The following RNF152 variants were observed in gnomAD, a reference collection of about 807,000 sequenced individuals.
RNF152 encodes the protein E3 ubiquitin-protein ligase RNF152.
A neutral mutation model predicts 12.7 loss-of-function variants in RNF152; 11 were observed. The ratio of observed to expected loss-of-function variants is 0.86; its 90% CI spans 0.54 to 1.43. RNF152 has a LOEUF of 1.43. Ranked by LOEUF, RNF152 falls within the 40% of genes most tolerant of loss-of-function variation. The pLI is 0.00. For synonymous variants in RNF152, 113 were observed against 120.3 expected (o/e 0.94, Z 0.40); for missense variants, 255 against 274.8 (o/e 0.93, Z 0.51).
At chr18:61,840,450 G>A (rs1403766266) in intron 1 of RNF152, among the ~76,000 whole-genome samples, 2 of 152,192 alleles carry the variant, frequency 1.3e-5, no homozygotes, top group Non-Finnish European at 2.9e-5. Flanking sequence ...GAGGATGGGG[G>A]TGGGGTGGGT....
intron 1 of RNF152, among the ~76,000 whole-genome samples, chr18:61,829,525 GGAGA>G (rs140442119): frequency 1.3e-5 from 2 of 148,440 alleles, no homozygotes; most frequent in Non-Finnish European, 3.0e-5. Flanking sequence ...ATCAGGGGAG[GGAGA>G]GAGAGAGAGA....
chr18:61,817,215 CA>C (rs1018185444), intron 1 of RNF152, among the ~76,000 whole-genome samples: 2 of 152,110 alleles, frequency 1.3e-5, no homozygotes, highest in Non-Finnish European at 2.9e-5. Context: ...TTGAAGAGAA[CA>C]AAACAAAAAA....
At chr18:61,836,563 G>T (rs1910195687) in intron 1 of RNF152, among the ~76,000 whole-genome samples, 1 of 152,136 alleles carries the variant, frequency 6.6e-6, no homozygotes, top group African/African-American at 2.4e-5. Flanking sequence ...CAGAAAGAAG[G>T]TTCCCACCCG....
chr18:61,894,365 C>T (rs866841668), upstream of RNF152: 17 of 151,538 alleles, frequency 1.1e-4, no homozygotes, highest in African/African-American at 3.9e-4. The surrounding 1 kb of genome is among the most constrained non-coding windows in gnomAD (Gnocchi z 4.9). Flanking sequence ...GGCGGCACCC[C>T]CACCTGCCCG....
intron 1 of RNF152, among the ~76,000 whole-genome samples, chr18:61,837,278 T>A (rs1910231061): frequency 6.6e-6 from 1 of 152,194 alleles, no homozygotes; most frequent in Non-Finnish European, 1.5e-5. Flanking sequence ...AAACCAAATT[T>A]AATTCATGAA....
At chr18:61,877,240 T>C (rs528194324) in intron 1 of RNF152, among the ~76,000 whole-genome samples, 1 of 152,330 alleles carries the variant, frequency 6.6e-6, no homozygotes, top group South Asian at 2.1e-4. Context: ...CAATGACAAA[T>C]ACAATTGATT....
intron 1 of RNF152, among the ~76,000 whole-genome samples, chr18:61,857,679 G>A (rs549619616): frequency 6.6e-6 from 1 of 151,696 alleles, no homozygotes; most frequent in South Asian, 2.1e-4. Context: ...TATCCTCCAG[G>A]GACTCACCAG....
chr18:61,834,684 TA>T (rs911609158), intron 1 of RNF152, among the ~76,000 whole-genome samples: 1 of 132,508 alleles, frequency 7.5e-6, no homozygotes, highest in Non-Finnish European at 1.7e-5. Context: ...AGGCCATTTT[TA>T]AAAAAAATTA....
In RNF152 at chr18:61,815,748, G is replaced by T; in HGVS notation, c.*104C>A. ...GAGGCAACCCAGAGGCCAGCGCTCAGCACCAAATGGTCAGTGTTGCCCCCC... is the reference window on the plus strand; with the variant it reads ...GAGGCAACCCAGAGGCCAGCGCTCATCACCAAATGGTCAGTGTTGCCCCCC... On this transcript the variant is annotated 3_prime_UTR_variant, in exon 2 of 2. Coordinates refer to ENST00000312828, the MANE Select transcript of RNF152 (RefSeq NM_173557.3). The T allele has an allele frequency of 7.5e-7, 1 of 1,341,550 alleles. No homozygotes were observed. Among genetic ancestry groups the T allele is most frequent in the Non-Finnish European group, 1.0e-6 (1 of 959,794 alleles). The allele number at this position is 1,341,550 out of a possible 1,614,324, so 83.1% of individuals were successfully genotyped here. A position where few individuals can be genotyped will look rare whatever the true frequency, so the allele number is the denominator to read the frequency against.
intron 1 of RNF152, among the ~76,000 whole-genome samples, chr18:61,838,150 T>C (rs1910275044): frequency 6.6e-6 from 1 of 152,220 alleles, no homozygotes; most frequent in Admixed American, 6.5e-5. Context: ...TAATTACTTT[T>C]TCACTCACCA....
intron 1 of RNF152, among the ~76,000 whole-genome samples, chr18:61,889,368 A>C (rs140149785): frequency 1.8e-4 from 27 of 152,358 alleles, no homozygotes; most frequent in African/African-American, 6.3e-4. Context: ...GGTATTTATC[A>C]AATCTTTAAA....
At chr18:61,834,668 G>C (rs1367604662) in intron 1 of RNF152, among the ~76,000 whole-genome samples, 2 of 132,982 alleles carry the variant, frequency 1.5e-5, no homozygotes, top group Non-Finnish European at 3.4e-5. Flanking sequence ...AAAACTAACT[G>C]AAATTAGGCC....
chr18:61,879,338 G>A (rs767109657), intron 1 of RNF152, among the ~76,000 whole-genome samples: 1 of 152,028 alleles, frequency 6.6e-6, no homozygotes, highest in Non-Finnish European at 1.5e-5. Context: ...ATCTAGTGAC[G>A]ATTTAAAGTA....
intron 1 of RNF152, among the ~76,000 whole-genome samples, chr18:61,880,108 C>T (rs1229325292): frequency 3.9e-5 from 6 of 152,152 alleles, no homozygotes; most frequent in African/African-American, 1.4e-4. Context: ...AAACAATTCA[C>T]ACCACCTGAC....
At chr18:61,830,446 G>T (rs1484574253) in intron 1 of RNF152, among the ~76,000 whole-genome samples, 1 of 152,134 alleles carries the variant, frequency 6.6e-6, no homozygotes, top group Non-Finnish European at 1.5e-5. Flanking sequence ...GAATTTGCCT[G>T]TTCCAGGTAC....
At chr18:61,821,673 C>T (rs1405125036) in intron 1 of RNF152, among the ~76,000 whole-genome samples, 2 of 152,196 alleles carry the variant, frequency 1.3e-5, no homozygotes, top group African/African-American at 4.8e-5. Flanking sequence ...CAGTACCAGT[C>T]TACAACCTGT....
chr18:61,881,062 T>A (rs770811704), intron 1 of RNF152, among the ~76,000 whole-genome samples: 67 of 151,996 alleles, frequency 4.4e-4, no homozygotes, highest in Admixed American at 3.0e-3. Flanking sequence ...TACAGGCGCA[T>A]GCCACCACGC....
intron 1 of RNF152, among the ~76,000 whole-genome samples, chr18:61,817,640 T>C (rs1909175627): frequency 6.6e-6 from 1 of 151,826 alleles, no homozygotes; most frequent in Admixed American, 6.6e-5. Flanking sequence ...CTGGAACCAA[T>C]GCCCTCAGAT....
chr18:61,823,797 T>C (rs1194182768), intron 1 of RNF152, among the ~76,000 whole-genome samples: 1 of 152,194 alleles, frequency 6.6e-6, no homozygotes, highest in African/African-American at 2.4e-5. Context: ...ACTGAAGGCC[T>C]GGCCCTGCCA....
Sources: gnomAD v4.1 joint callset for allele counts (sites outside exome capture counted in the v4.1 genomes callset) on GRCh38, gnomAD v4.1.1 for gene constraint, Gnocchi (gnomAD v3.1) non-coding constraint, MANE v1.5 for transcripts, NCBI Gene and HGNC (gene_info 2026-07-23, HGNC 2026-07-21) for gene names.